Variants in UBE4B observed in about 807,000 individuals in gnomAD.
UBE4B encodes the protein ubiquitination factor E4B, also known as ubiquitin conjugation factor E4 B.
In UBE4B, 27 loss-of-function variants were observed where a neutral mutation model predicts 148.1. That is an observed-to-expected ratio of 0.18 (90% confidence interval 0.13 to 0.25). The LOEUF (loss-of-function observed/expected upper bound fraction) is 0.25, where lower values mean the gene tolerates loss of function less well. Among genes scored for constraint, UBE4B ranks in the 10% least tolerant of loss-of-function variants. The pLI is 1.00. For missense variants in UBE4B, 1,170 were observed against 1,662.4 expected (o/e 0.70, Z 5.15); for synonymous variants, 596 against 619.3 (o/e 0.96, Z 0.56).
intron 23 of UBE4B, among the ~76,000 whole-genome samples, chr1:10,162,496 C>T (rs1444182409): frequency 2.0e-5 from 3 of 151,004 alleles, no homozygotes; most frequent in South Asian, 2.1e-4. Context: ...TTAGTAGTGA[C>T]GGGGTTTCAC....
chr1:10,041,213 G>A (rs950886885), intron 1 of UBE4B, among the ~76,000 whole-genome samples: 2 of 152,002 alleles, frequency 1.3e-5, no homozygotes, highest in African/African-American at 4.8e-5. Context: ...TTATTGAAAG[G>A]CACACAACTA....
At chr1:10,095,345 G>T (rs894763735) in intron 2 of UBE4B, 116 bp from the exon 3 acceptor site, 3 of 1,213,116 alleles carry the variant, frequency 2.5e-6, no homozygotes, top group Middle Eastern at 2.0e-4. Context: ...GAAATTCCTC[G>T]GTTGCTGCAA....
intron 9 of UBE4B, among the ~76,000 whole-genome samples, chr1:10,119,952 A>G (rs1299733926): frequency 6.6e-6 from 1 of 152,204 alleles, no homozygotes; most frequent in Non-Finnish European, 1.5e-5. Flanking sequence ...GAGGTATTTG[A>G]TAAAATGTGT....
At position 10,168,136 on chromosome 1, in the gene UBE4B, G is replaced by A; in HGVS notation, c.3199G>A (p.Asp1067Asn). ...TCAGCGTCTGTTCGATGTGTCCTAG[G>A]ATCAGCAGCAGGCTCGTCAGTCTCA... ...NKEQWDQLPR[D>N]QQQARQSQLA... Residue 1067 changes from aspartate (D) to asparagine (N), a missense_variant and splice_region_variant, in exon 24 of 28, where the codon GAT (aspartate) becomes AAT (asparagine). Asp to Asn is a conservative substitution (Grantham distance 23). Transcript: ENST00000343090. This position sits in a 1 kb window ranked among gnomAD's most constrained non-coding sequence, Gnocchi z 4.9. The A allele has an allele frequency of 6.2e-7, 1 of 1,614,020 alleles. No homozygotes were observed. Among genetic ancestry groups the A allele is most frequent in the Non-Finnish European group, 8.5e-7 (1 of 1,180,014 alleles).
intron 2 of UBE4B, among the ~76,000 whole-genome samples, chr1:10,092,222 CTTTTG>C (rs1294400161): frequency 2.0e-5 from 3 of 151,708 alleles, no homozygotes; most frequent in African/African-American, 4.8e-5. Context: ...AGACCCATCT[CTTTTG>C]TTTTGTTTTG....
intron 1 of UBE4B, among the ~76,000 whole-genome samples, chr1:10,056,077 A>G (rs1008580557): frequency 2.6e-5 from 4 of 152,368 alleles, no homozygotes; most frequent in South Asian, 2.1e-4. Flanking sequence ...TATAAAGGGC[A>G]TAAAGTTTCT....
In UBE4B at chr1:10,171,336, G is replaced by A. The variant is rs1286650945; in HGVS notation, c.3525+7G>A. ...AGCCATTGCTGACGACCAGGTCAGT[G>A]AGTTGAGTTGGTCTCTCTGTGAGTT... On this transcript the variant is annotated splice_region_variant and intron_variant, in intron 25 of 27. Transcript: ENST00000343090. 3.1e-6 allele frequency: 5 copies of A among 1,612,366 alleles called. No homozygotes were observed. Among genetic ancestry groups the A allele is most frequent in the Admixed American group, 1.7e-5 (1 of 59,796 alleles).
intron 1 of UBE4B, among the ~76,000 whole-genome samples, chr1:10,038,144 G>A (rs1643610797): frequency 6.6e-6 from 1 of 152,034 alleles, no homozygotes; most frequent in Non-Finnish European, 1.5e-5. Context: ...GCTGGGCGTG[G>A]TGGCACATGC....
At chr1:10,077,517 G>A (rs1256595832) in intron 2 of UBE4B, among the ~76,000 whole-genome samples, 3 of 152,208 alleles carry the variant, frequency 2.0e-5, no homozygotes, top group Non-Finnish European at 4.4e-5. Context: ...CCTTGCCAGT[G>A]TTGCTCATCC....
At chr1:10,176,862 T>C (rs1646436380) in intron 25 of UBE4B, among the ~76,000 whole-genome samples, 1 of 148,710 alleles carries the variant, frequency 6.7e-6, no homozygotes. Context: ...CTCAGCCTAC[T>C]GCAACCTCCA....
At chr1:10,043,875 T>C (rs567483125) in intron 1 of UBE4B, among the ~76,000 whole-genome samples, 2 of 152,300 alleles carry the variant, frequency 1.3e-5, no homozygotes, top group Admixed American at 1.3e-4. Flanking sequence ...TAAAATTAGT[T>C]GCCATTTTAA....
At chr1:10,164,375 A>C (rs1049314740) in intron 23 of UBE4B, among the ~76,000 whole-genome samples, 1 of 151,722 alleles carries the variant, frequency 6.6e-6, no homozygotes, top group Non-Finnish European at 1.5e-5. Context: ...AGAAAGAAAG[A>C]GTCTTGCTCT....
At position 10,168,054 on chromosome 1, in the gene UBE4B, A is replaced by G. The variant is rs1186986030; in HGVS notation, c.3199-82A>G. ...CCTAAGCATGTTGGGTTTATCACGC[A>G]CTTTCCAGTTATGTGCTTGGCGCTT... On this transcript the variant is annotated intron_variant, in intron 23 of 27. Transcript: ENST00000343090. The surrounding 1 kb of genome is among the most constrained non-coding windows in gnomAD (Gnocchi z 4.9). The G allele has an allele frequency of 1.3e-6, 2 of 1,492,654 alleles. No individual in the cohort carries two copies. Among genetic ancestry groups the G allele is most frequent in the Admixed American group, 4.3e-5 (2 of 46,718 alleles). 92.5% of individuals were successfully genotyped at this position (1,492,654 alleles called of 1,614,324 possible). A position where few individuals can be genotyped will look rare whatever the true frequency, so the allele number is the denominator to read the frequency against.
intron 17 of UBE4B, among the ~76,000 whole-genome samples, chr1:10,142,521 A>T (rs1645799159): frequency 6.6e-6 from 1 of 151,832 alleles, no homozygotes; most frequent in African/African-American, 2.4e-5. Context: ...AAATACAAAA[A>T]TTAGCCGGTC....
At chr1:10,104,548 C>G (rs1043236564) in intron 5 of UBE4B, among the ~76,000 whole-genome samples, 3 of 152,070 alleles carry the variant, frequency 2.0e-5, no homozygotes, top group African/African-American at 7.2e-5. Flanking sequence ...TCTATGCTGC[C>G]TATCTTCTGA....
At chr1:10,111,105 A>G (rs1645212935) in intron 7 of UBE4B, among the ~76,000 whole-genome samples, 1 of 141,810 alleles carries the variant, frequency 7.1e-6, no homozygotes, top group Non-Finnish European at 1.5e-5. Flanking sequence ...TCTTTCCACC[A>G]TATCTATCCC....
rs866513820 is a variant in UBE4B, at chr1:10,036,202, T to C, written c.24+2508T>C. Among the ~76,000 whole-genome samples the C allele has an allele frequency of 2.0e-5, 3 of 152,106 alleles. No homozygotes were observed. The South Asian group carries it at 6.2e-4, about 32-fold the overall frequency. On this transcript the variant is annotated intron_variant, in intron 1 of 27. Transcript: ENST00000343090. ...GAGGCATTACAGACCAGTGAAGATA[T>C]TGTATAATCTAAAATGTGTCTCTTC...
At chr1:10,050,973 A>C (rs1644028710) in intron 1 of UBE4B, among the ~76,000 whole-genome samples, 1 of 152,140 alleles carries the variant, frequency 6.6e-6, no homozygotes, top group South Asian at 2.1e-4. Context: ...TCAGAGTTCT[A>C]ATTCAGAGTC....
Position 10,072,708 on chromosome 1 carries a change from T to C in UBE4B, c.211+494T>C, listed in dbSNP as rs1159674272. ...TATCTCATTAAAAAGTAAAAGTTTA[T>C]TTCTTTATAATAAATGAGCTGATGC... On this transcript the variant is annotated intron_variant, in intron 2 of 27. Coordinates refer to ENST00000343090, the MANE Select transcript of UBE4B (RefSeq NM_001105562.3). 6 of 490,958 alleles carry C rather than the reference T, an allele frequency of 1.2e-5. No individual in the cohort carries two copies. The East Asian group carries it at 1.9e-4, about 16-fold the overall frequency. The allele number at this position is 490,958 out of a possible 1,614,324, so 30.4% of individuals were successfully genotyped here.
Sources: allele counts gnomAD v4.1 joint callset (sites outside exome capture counted in the v4.1 genomes callset), GRCh38; gene constraint gnomAD v4.1.1; non-coding constraint Gnocchi (gnomAD v3.1); transcripts MANE v1.5; gene names NCBI Gene and HGNC (gene_info 2026-07-23, HGNC 2026-07-21).